Variants in ALDH4A1 observed in about 807,000 individuals in gnomAD.
ALDH4A1 encodes delta-1-pyrroline-5-carboxylate dehydrogenase, mitochondrial.
Under a neutral mutation model 70.5 loss-of-function variants are expected in ALDH4A1, and 46 were observed. The observed-to-expected ratio is 0.65, with a 90% CI of 0.51 to 0.83. The LOEUF is 0.83. Among genes scored for constraint, ALDH4A1 ranks in the 40% least tolerant of loss-of-function variants. The pLI is 0.00. For missense variants in ALDH4A1, 749 were observed against 766.5 expected, an observed-to-expected ratio of 0.98 and a Z score of 0.27; for synonymous variants, 323 against 324.3, an observed-to-expected ratio of 1.00 and a Z score of 0.04.
chr1:18,894,304 G>A (rs537168542), intron 1 of ALDH4A1, among the ~76,000 whole-genome samples: 1 of 152,344 alleles, frequency 6.6e-6, no homozygotes, highest in South Asian at 2.1e-4. Context: ...ACTTTGGGAG[G>A]CTGAGGTGGG....
intron 1 of ALDH4A1, among the ~76,000 whole-genome samples, chr1:18,892,161 G>A (rs1431257392): frequency 6.6e-6 from 1 of 152,168 alleles, no homozygotes; most frequent in Non-Finnish European, 1.5e-5. Flanking sequence ...CCGGCTATGA[G>A]TGTCGGGGGC....
intron 5 of ALDH4A1, 122 bp from the exon 6 acceptor site, chr1:18,883,550 T>A: frequency 7.2e-7 from 1 of 1,388,928 alleles, no homozygotes. Flanking sequence ...CAGGAAACAT[T>A]TGGAGGGCTC....
chr1:18,883,708 T>G (rs1935083354), intron 5 of ALDH4A1, among the ~76,000 whole-genome samples: 1 of 152,248 alleles, frequency 6.6e-6, no homozygotes, highest in Non-Finnish European at 1.5e-5. Flanking sequence ...TGCACTGTCT[T>G]CATTTCATAG....
chr1:18,887,474 C>T lies in ALDH4A1; in HGVS notation c.250-963G>A, dbSNP rs527442719. Among the ~76,000 whole-genome samples, 10 of 152,362 alleles carry T rather than the reference C, an allele frequency of 6.6e-5. No homozygotes were observed. In the East Asian group the frequency reaches 1.9e-3, roughly 29 times the overall value. ...ATTAGCTGGGCGTGGTGGCGGATGC[C>T]TGTAATCCCAGCTACTGGGGAGGCT... On this transcript the variant is annotated intron_variant, in intron 3 of 14. Coordinates refer to ENST00000375341, the MANE Select transcript of ALDH4A1 (RefSeq NM_003748.4).
In ALDH4A1 at chr1:18,898,485, G is replaced by C. The variant is rs553741770; in HGVS notation, c.62+3977C>G. ...CCCTGCTGTCTTGATATTCCTGATC[G>C]AAGATGATCACTCCAGGAAGCCCAT... On this transcript the variant is annotated intron_variant, in intron 1 of 14. Transcript: ENST00000375341. The surrounding 1 kb of genome is among the most constrained non-coding windows in gnomAD (Gnocchi z 4.3). 6.6e-6 allele frequency among the ~76,000 whole-genome samples: 1 copy of C among 152,114 alleles called. No individual in the cohort carries two copies. Among genetic ancestry groups the C allele is most frequent in the Non-Finnish European group, 1.5e-5 (1 of 68,020 alleles).
At chr1:18,895,967 A>G (rs891123918) in intron 1 of ALDH4A1, among the ~76,000 whole-genome samples, 2 of 152,106 alleles carry the variant, frequency 1.3e-5, no homozygotes, top group Non-Finnish European at 2.9e-5. Flanking sequence ...AAGACATCAG[A>G]ATCCTTACCA....
intron 14 of ALDH4A1, 71 bp from the exon 15 acceptor site, chr1:18,873,028 T>A: frequency 2.2e-6 from 3 of 1,340,314 alleles, no homozygotes; most frequent in Non-Finnish European, 3.2e-6. Flanking sequence ...AGGGAGGAGA[T>A]GATGGAATCA....
intron 4 of ALDH4A1, 70 bp from the exon 5 acceptor site, chr1:18,885,698 G>A: frequency 1.9e-6 from 3 of 1,601,188 alleles, no homozygotes; most frequent in Non-Finnish European, 2.6e-6. Flanking sequence ...GAGCGAGGGA[G>A]GAGAGACCTG....
At chr1:18,877,702 C>A in intron 9 of ALDH4A1, 90 bp from the exon 10 acceptor site, 1 of 1,467,992 alleles carries the variant, frequency 6.8e-7, no homozygotes, top group Non-Finnish European at 9.3e-7. Flanking sequence ...CATCCATGGC[C>A]CGGGACCAAC....
chr1:18,888,861 C>G (rs1380615306), intron 3 of ALDH4A1, among the ~76,000 whole-genome samples: 1 of 152,236 alleles, frequency 6.6e-6, no homozygotes, highest in Non-Finnish European at 1.5e-5. Context: ...CACGTCTGCC[C>G]AGGGTTTCAG....
chr1:18,885,729 CG>C (rs1192373273), intron 4 of ALDH4A1, 101 bp from the exon 5 acceptor site: 3 of 1,512,656 alleles, frequency 2.0e-6, no homozygotes, highest in East Asian at 2.3e-5. Context: ...CTCTTCCATC[CG>C]GGGACAATGC....
At chr1:18,891,710 T>C (rs1167948026) in intron 1 of ALDH4A1, among the ~76,000 whole-genome samples, 1 of 152,102 alleles carries the variant, frequency 6.6e-6, no homozygotes, top group East Asian at 1.9e-4. Flanking sequence ...AGAGACCTTG[T>C]TTTTGTCCGT....
At chr1:18,881,326 C>CCTCCTCCAGGAAGGCTTCCTGA (rs1350553493) in intron 8 of ALDH4A1, among the ~76,000 whole-genome samples, 2 of 152,196 alleles carry the variant, frequency 1.3e-5, no homozygotes, top group African/African-American at 4.8e-5. Flanking sequence ...TTAGATGTCA[C>CCTCCTCCAGGAAGGCTTCCTGA]CTCCTCCAGG....
At chr1:18,874,602 G>A in intron 13 of ALDH4A1, 21 bp from the exon 14 acceptor site, 3 of 1,612,528 alleles carry the variant, frequency 1.9e-6, no homozygotes, top group Non-Finnish European at 2.5e-6. Flanking sequence ...GAGCAGTGGT[G>A]ACAGAGCAAC....
intron 8 of ALDH4A1, 62 bp downstream of exon 8, chr1:18,881,638 C>T (rs929700102): frequency 1.7e-4 from 109 of 648,922 alleles, no homozygotes; most frequent in Non-Finnish European, 2.4e-4. Flanking sequence ...CCCAGGCAGA[C>T]AGCAGGTGAG....
intron 1 of ALDH4A1, 85 bp from the exon 2 acceptor site, chr1:18,890,190 G>A: frequency 8.7e-7 from 1 of 1,155,124 alleles, no homozygotes; most frequent in Admixed American, 2.0e-5. Flanking sequence ...TCCGACAGGG[G>A]GTCCTAGGTG....
In ALDH4A1 at chr1:18,898,795, C is replaced by T. The variant is rs745337856; in HGVS notation, c.62+3667G>A. Among the ~76,000 whole-genome samples, 3 of 152,204 alleles carry T rather than the reference C, an allele frequency of 2.0e-5. No homozygotes were observed. The highest frequency in any genetic ancestry group is 4.8e-5 in the African/African-American group (2 of 41,452). On this transcript the variant is annotated intron_variant, in intron 1 of 14. Coordinates refer to ENST00000375341, the MANE Select transcript of ALDH4A1 (RefSeq NM_003748.4). The surrounding 1 kb of genome is among the most constrained non-coding windows in gnomAD (Gnocchi z 4.3). ...CAACCGTTCAACGCCTACTGTGTGCCGGGCCAGATGCAGGGCACAGGAGGC... is the reference window on the plus strand; with the variant it reads ...CAACCGTTCAACGCCTACTGTGTGCTGGGCCAGATGCAGGGCACAGGAGGC...
chr1:18,894,941 G>A (rs925606234), intron 1 of ALDH4A1, among the ~76,000 whole-genome samples: 1 of 146,816 alleles, frequency 6.8e-6, no homozygotes, highest in African/African-American at 2.5e-5. Flanking sequence ...CTGCTCGGGT[G>A]AAGGCAGAGA....
rs141729492 is a variant in ALDH4A1, at chr1:18,879,544, G to A, written c.867-171C>T. On this transcript the variant is annotated intron_variant, in intron 8 of 14. Coordinates refer to ENST00000375341, the MANE Select transcript of ALDH4A1 (RefSeq NM_003748.4). ...AAGACTACGGGGAGCGGGCAACGGGGGGCTAGGCAGCAAGATGCTGCAGAG... is the reference window on the plus strand; with the variant it reads ...AAGACTACGGGGAGCGGGCAACGGGAGGCTAGGCAGCAAGATGCTGCAGAG... Among the ~76,000 whole-genome samples, 12 of 152,312 alleles carry A rather than the reference G, an allele frequency of 7.9e-5. No individual in the cohort carries two copies. In the East Asian group the frequency reaches 2.1e-3, roughly 27 times the overall value.
Sources: allele counts gnomAD v4.1 joint callset (sites outside exome capture counted in the v4.1 genomes callset), GRCh38; gene constraint gnomAD v4.1.1; non-coding constraint Gnocchi (gnomAD v3.1); transcripts MANE v1.5; gene names NCBI Gene and HGNC (gene_info 2026-07-23, HGNC 2026-07-21).